Variants in RPH3A observed in about 807,000 individuals in gnomAD.
RPH3A encodes the protein rabphilin-3A.
RPH3A carries 48 observed loss-of-function variants against 102.2 expected under a neutral mutation model. The observed-to-expected ratio is 0.47, with a 90% CI of 0.37 to 0.60. The LOEUF is 0.60. Ranked by LOEUF, RPH3A falls within the 20% of genes least tolerant of loss-of-function variation. RPH3A has a pLI of 0.00. For synonymous variants in RPH3A, 310 were observed against 324.3 expected, an observed-to-expected ratio of 0.96 and a Z score of 0.47; for missense variants, 781 against 910.1, an observed-to-expected ratio of 0.86 and a Z score of 1.83.
At chr12:112,595,792 A>G (rs74909784) in intron 1 of RPH3A, among the ~76,000 whole-genome samples, 3,839 of 152,296 alleles carry the variant, frequency 0.025, 156 homozygotes, top group African/African-American at 0.087. Context: ...ATCCAAGCCA[A>G]TTTTGGGTAG....
At chr12:112,682,778 T>G (rs2040236516) in intron 1 of RPH3A, among the ~76,000 whole-genome samples, 1 of 152,220 alleles carries the variant, frequency 6.6e-6, no homozygotes, top group African/African-American at 2.4e-5. Flanking sequence ...AACAATGGAA[T>G]GCTTTAGAAG....
At position 112,586,405 on chromosome 12, in the gene RPH3A, G is replaced by C. The variant is rs1003350710; in HGVS notation, c.-140+11086G>C. 7.2e-5 allele frequency among the ~76,000 whole-genome samples: 11 copies of C among 152,288 alleles called. No homozygotes were observed. The South Asian group carries it at 2.1e-3, about 29-fold the overall frequency. On this transcript the variant is annotated intron_variant, in intron 1 of 21. Transcript: ENST00000543106. ...GGGACAGAAATACTGGAAGGGGGAT[G>C]TCAGGCCATCTGAAAAGGCATTTGA... is the stretch of plus-strand genomic sequence containing the variant.
intron 1 of RPH3A, among the ~76,000 whole-genome samples, chr12:112,656,669 G>A (rs1042152185): frequency 4.6e-5 from 7 of 152,032 alleles, no homozygotes; most frequent in African/African-American, 1.4e-4. Context: ...GAGAATATGC[G>A]ATATTTGATT....
chr12:112,801,905 C>A (rs2041361732), intron 2 of RPH3A, among the ~76,000 whole-genome samples: 1 of 152,180 alleles, frequency 6.6e-6, no homozygotes, highest in African/African-American at 2.4e-5. Context: ...GTTCTCACTT[C>A]TTTTCCACTC....
intron 1 of RPH3A, among the ~76,000 whole-genome samples, chr12:112,781,096 G>A (rs748936843): frequency 6.6e-6 from 1 of 152,102 alleles, no homozygotes; most frequent in Non-Finnish European, 1.5e-5. Context: ...GGAGAAGGAG[G>A]TTGTAGTGAG....
In RPH3A at chr12:112,592,649, C is replaced by T. The variant is rs141501238; in HGVS notation, c.-140+17330C>T. Among the ~76,000 whole-genome samples the T allele has an allele frequency of 2.5e-3, 374 of 152,294 alleles. 5 individuals are homozygous for T. The highest frequency in any genetic ancestry group is 6.5e-3 in the African/African-American group (271 of 41,570). ...ATTAATTTTTATTTTGGAAAATTTTCGATCTGTGGTTGGTTGAATCCGTGG... is the reference window on the plus strand; with the variant it reads ...ATTAATTTTTATTTTGGAAAATTTTTGATCTGTGGTTGGTTGAATCCGTGG... On this transcript the variant is annotated intron_variant, in intron 1 of 21. Coordinates refer to the RPH3A transcript ENST00000543106.
At chr12:112,865,623 C>A in intron 6 of RPH3A, 80 bp downstream of exon 6, 2 of 1,488,856 alleles carry the variant, frequency 1.3e-6, no homozygotes, top group Non-Finnish European at 1.8e-6. Context: ...GTAGGGGTCA[C>A]TGGGTCTTGG....
At chr12:112,756,482 G>T (rs1226697728) in intron 1 of RPH3A, among the ~76,000 whole-genome samples, 1 of 152,112 alleles carries the variant, frequency 6.6e-6, no homozygotes, top group Non-Finnish European at 1.5e-5. Flanking sequence ...AAAGTGCTGG[G>T]ATTACAGGCA....
In RPH3A at chr12:112,655,827, C is replaced by G. The variant is rs192739296; in HGVS notation, c.-140+80508C>G. ...ACCTCAGGTGATCCGCCAGCCTCAG[C>G]CTTCCAAAATGCTGGGATTACAGGC... On this transcript the variant is annotated intron_variant, in intron 1 of 21. Coordinates refer to the RPH3A transcript ENST00000543106. Among the ~76,000 whole-genome samples the G allele has an allele frequency of 2.5e-4, 38 of 152,170 alleles. 1 individual carries two copies. In the East Asian group the frequency reaches 7.0e-3, roughly 28 times the overall value.
chr12:112,729,899 C>T (rs185319561), intron 1 of RPH3A, among the ~76,000 whole-genome samples: 39 of 152,296 alleles, frequency 2.6e-4, no homozygotes, highest in African/African-American at 8.2e-4. Context: ...TTGGAAATAG[C>T]GTTGCAGATA....
intron 14 of RPH3A, among the ~76,000 whole-genome samples, chr12:112,879,771 T>C (rs733740): frequency 0.062 from 9,404 of 152,170 alleles, 993 homozygotes; most frequent in African/African-American, 0.21. Context: ...TTGACTAGGA[T>C]TGAACCCCTA....
intron 1 of RPH3A, among the ~76,000 whole-genome samples, chr12:112,712,056 T>C (rs993738844): frequency 1.3e-5 from 2 of 152,140 alleles, no homozygotes; most frequent in Admixed American, 6.5e-5. Flanking sequence ...GGTCTCAAAC[T>C]CCTGACCTCA....
intron 1 of RPH3A, among the ~76,000 whole-genome samples, chr12:112,761,887 C>T (rs375899448): frequency 6.6e-5 from 10 of 152,300 alleles, no homozygotes; most frequent in African/African-American, 1.7e-4. Flanking sequence ...TATAAGTCAA[C>T]GGACCACTTG....
intron 4 of RPH3A, among the ~76,000 whole-genome samples, chr12:112,842,746 AAGTT>A (rs2042166530): frequency 6.6e-6 from 1 of 152,174 alleles, no homozygotes; most frequent in Non-Finnish European, 1.5e-5. Context: ...CCTCACTAAA[AAGTT>A]AGGGCATCCT....
chr12:112,745,706 A>G (rs1357673966), intron 1 of RPH3A, among the ~76,000 whole-genome samples: 1 of 152,216 alleles, frequency 6.6e-6, no homozygotes, highest in East Asian at 1.9e-4. Flanking sequence ...TTTAGCTAGA[A>G]AGGAGCAAAA....
intron 2 of RPH3A, among the ~76,000 whole-genome samples, chr12:112,825,966 A>G (rs1210056841): frequency 1.3e-5 from 2 of 152,144 alleles, no homozygotes; most frequent in Non-Finnish European, 2.9e-5. Context: ...TCTAGGGTAC[A>G]TGTGCAGGAT....
chr12:112,743,362 C>T (rs998212553), intron 1 of RPH3A, among the ~76,000 whole-genome samples: 1 of 152,174 alleles, frequency 6.6e-6, no homozygotes, highest in Admixed American at 6.5e-5. Flanking sequence ...CTAGATGTGC[C>T]ACTGGGTATC....
chr12:112,825,665 T>C (rs1367408660), intron 2 of RPH3A, among the ~76,000 whole-genome samples: 2 of 152,114 alleles, frequency 1.3e-5, no homozygotes, highest in Non-Finnish European at 2.9e-5. Flanking sequence ...AAATTTTCAT[T>C]ACGTACCTTC....
chr12:112,878,732 C>T (rs992723018), intron 13 of RPH3A, among the ~76,000 whole-genome samples: 1 of 152,198 alleles, frequency 6.6e-6, no homozygotes, highest in African/African-American at 2.4e-5. Flanking sequence ...GGAGAGCATT[C>T]CAGGCAGAGG....
Sources: gnomAD v4.1 joint callset for allele counts (sites outside exome capture counted in the v4.1 genomes callset) on GRCh38, gnomAD v4.1.1 for gene constraint, MANE v1.5 for transcripts, NCBI Gene and HGNC (gene_info 2026-07-23, HGNC 2026-07-21) for gene names.